Variants in CFAP299 observed in about 807,000 individuals in gnomAD.
CFAP299 encodes cilia- and flagella-associated protein 299.
In CFAP299, 21 loss-of-function variants were observed where a neutral mutation model predicts 27.0. That is an observed-to-expected ratio of 0.78 (90% CI 0.55 to 1.12). The LOEUF (loss-of-function observed/expected upper bound fraction) is 1.12. CFAP299 is among the 50% of genes most tolerant of loss of function. CFAP299 has a pLI of 0.00. For missense variants in CFAP299, 310 were observed against 276.6 expected (o/e 1.12, Z -0.86); for synonymous variants, 104 against 98.1 (o/e 1.06, Z -0.36).
chr4:80,614,028 G>A (rs1738143678), intron 3 of CFAP299, among the ~76,000 whole-genome samples: 1 of 152,084 alleles, frequency 6.6e-6, no homozygotes, highest in Admixed American at 6.5e-5. Flanking sequence ...TTAGTATAAA[G>A]TTGGGTTTTG....
intron 2 of CFAP299, among the ~76,000 whole-genome samples, chr4:80,401,438 G>T (rs1309514178): frequency 6.6e-6 from 1 of 152,204 alleles, no homozygotes; most frequent in Non-Finnish European, 1.5e-5. Context: ...TCCAGCCATG[G>T]CTGAAAGGGG....
intron 3 of CFAP299, among the ~76,000 whole-genome samples, chr4:80,638,803 A>G (rs897400008): frequency 1.8e-4 from 27 of 152,192 alleles, no homozygotes; most frequent in Admixed American, 1.7e-3. Flanking sequence ...AGGGCACTCA[A>G]TATGTATTAG....
intron 3 of CFAP299, among the ~76,000 whole-genome samples, chr4:80,841,534 C>A (rs529851847): frequency 1.8e-3 from 279 of 152,000 alleles, no homozygotes; most frequent in African/African-American, 6.4e-3. Flanking sequence ...TTTTAGAAAC[C>A]AAATAAATAA....
At chr4:80,643,457 GA>G (rs1178107617) in intron 3 of CFAP299, among the ~76,000 whole-genome samples, 2 of 152,166 alleles carry the variant, frequency 1.3e-5, no homozygotes, top group Non-Finnish European at 2.9e-5. Context: ...GAGGAAATGG[GA>G]TTTTGTTTTG....
intron 3 of CFAP299, among the ~76,000 whole-genome samples, chr4:80,728,104 A>G (rs1398890220): frequency 6.6e-6 from 1 of 151,842 alleles, no homozygotes; most frequent in Non-Finnish European, 1.5e-5. Flanking sequence ...AATGTTTTCC[A>G]ACTGGGTTGG....
intron 3 of CFAP299, among the ~76,000 whole-genome samples, chr4:80,735,918 C>G (rs1387843505): frequency 6.6e-6 from 1 of 151,786 alleles, no homozygotes; most frequent in Non-Finnish European, 1.5e-5. Context: ...GTGTCTTTTT[C>G]TTTTTTTGGT....
rs186021506 is a variant in CFAP299 at position 80,750,485 on chromosome 4, C to A, written c.334-119508C>A. On this transcript the variant is annotated intron_variant, in intron 3 of 5. Transcript: ENST00000358105. The stretch of plus-strand genomic sequence containing the variant: ...TAATAGGAATCCACCTGTGGCTTTA[C>A]AGTCTTGGAATCTAGCCATAAAGTT... Among the ~76,000 whole-genome samples the A allele has an allele frequency of 6.2e-3, 945 of 152,254 alleles. 8 individuals carry two copies. The highest frequency in any genetic ancestry group is 6.1e-3 in the Non-Finnish European group (418 of 68,020).
chr4:80,938,902 G>C (rs992055321), intron 4 of CFAP299, among the ~76,000 whole-genome samples: 1 of 152,102 alleles, frequency 6.6e-6, no homozygotes, highest in South Asian at 2.1e-4. Context: ...TTTATGGATA[G>C]CTTTGCCAAG....
chr4:80,520,035 C>G (rs192787688), intron 2 of CFAP299, among the ~76,000 whole-genome samples: 93 of 152,248 alleles, frequency 6.1e-4, no homozygotes, highest in Non-Finnish European at 1.3e-4. Flanking sequence ...TTCCTTGCCT[C>G]CCCTATCTCC....
chr4:80,525,394 C>T lies in CFAP299; in HGVS notation c.243-57699C>T, dbSNP rs1733120558. Among the ~76,000 whole-genome samples, 3 of 152,094 alleles carry T rather than the reference C, an allele frequency of 2.0e-5. 1 individual carries two copies. The highest frequency in any genetic ancestry group is 2.0e-4 in the Admixed American group (3 of 15,272). On this transcript the variant is annotated intron_variant, in intron 2 of 5. Coordinates refer to ENST00000358105, the MANE Select transcript of CFAP299 (RefSeq NM_152770.3). ...CATCAGCTTCTGTCTGTTACCTCCT[C>T]AACCTTTATTATGAACTTATCCCAA...
At chr4:80,784,356 C>G (rs1050910772) in intron 3 of CFAP299, among the ~76,000 whole-genome samples, 2 of 152,168 alleles carry the variant, frequency 1.3e-5, no homozygotes, top group African/African-American at 4.8e-5. Flanking sequence ...CTCGCCAACA[C>G]TTGTGATCTG....
chr4:80,808,322 C>A (rs569125086), intron 3 of CFAP299, among the ~76,000 whole-genome samples: 4 of 152,038 alleles, frequency 2.6e-5, no homozygotes, highest in Non-Finnish European at 4.4e-5. Flanking sequence ...CATGCTGCTA[C>A]CCTATGCAAA....
intron 3 of CFAP299, among the ~76,000 whole-genome samples, chr4:80,622,911 A>G (rs962644754): frequency 6.6e-6 from 1 of 152,210 alleles, no homozygotes; most frequent in African/African-American, 2.4e-5. Flanking sequence ...TCTCTCAAGA[A>G]AGGAGGTTAG....
intron 3 of CFAP299, among the ~76,000 whole-genome samples, chr4:80,810,919 A>C (rs577693000): frequency 6.6e-6 from 1 of 152,156 alleles, no homozygotes; most frequent in African/African-American, 2.4e-5. Flanking sequence ...TCAGCAAAAC[A>C]TGCCAGCTGC....
chr4:80,421,597 G>A (rs1727287007), intron 2 of CFAP299, among the ~76,000 whole-genome samples: 1 of 151,954 alleles, frequency 6.6e-6, no homozygotes, highest in Admixed American at 6.6e-5. Flanking sequence ...GAAGGAGGAG[G>A]AGCAAAAACA....
intron 2 of CFAP299, among the ~76,000 whole-genome samples, chr4:80,490,744 CCA>C (rs1203246297): frequency 4.0e-5 from 6 of 151,606 alleles, no homozygotes; most frequent in Non-Finnish European, 8.8e-5. Context: ...TTTAAAAATC[CCA>C]CAGTTTGAAA....
chr4:80,598,635 G>A (rs1423379877), intron 3 of CFAP299, among the ~76,000 whole-genome samples: 1 of 151,974 alleles, frequency 6.6e-6, no homozygotes, highest in African/African-American at 2.4e-5. Context: ...CCTTTATTCA[G>A]GCATTCAACA....
intron 4 of CFAP299, among the ~76,000 whole-genome samples, chr4:80,934,852 T>A (rs1560483159): frequency 6.6e-6 from 1 of 152,022 alleles, no homozygotes; most frequent in Non-Finnish European, 1.5e-5. Flanking sequence ...TTCATTTATC[T>A]TTTCTAATGT....
chr4:80,670,184 T>C (rs1456177038), intron 3 of CFAP299, among the ~76,000 whole-genome samples: 9 of 151,224 alleles, frequency 6.0e-5, no homozygotes, highest in African/African-American at 2.2e-4. Context: ...TTCCCCGCCC[T>C]ATGTCCAAGT....
Sources: allele counts gnomAD v4.1 joint callset (sites outside exome capture counted in the v4.1 genomes callset), GRCh38; gene constraint gnomAD v4.1.1; transcripts MANE v1.5; gene names NCBI Gene and HGNC (gene_info 2026-07-23, HGNC 2026-07-21).